Variants in NCOA7 observed in about 807,000 individuals in gnomAD.
The protein encoded by NCOA7 is 140 kDa estrogen receptor-associated protein.
NCOA7 carries 45 observed loss-of-function variants against 104.3 expected under a neutral mutation model. The ratio of observed to expected loss-of-function variants is 0.43; its 90% confidence interval spans 0.34 to 0.55. The LOEUF is 0.55. Ranked by LOEUF, NCOA7 falls within the 20% of genes least tolerant of loss-of-function variation. The probability of loss-of-function intolerance (pLI) is 0.02; values close to 1 mark genes in which losing one functional copy is unlikely to be tolerated. For synonymous variants in NCOA7, 398 were observed against 402.3 expected (o/e 0.99, Z 0.13); for missense variants, 1,041 against 1,119.7 (o/e 0.93, Z 1.00).
intron 10 of NCOA7, 82 bp from the exon 11 acceptor site, chr6:125,915,251 T>A: frequency 6.7e-7 from 1 of 1,500,364 alleles, no homozygotes; most frequent in Non-Finnish European, 9.1e-7. Flanking sequence ...AGGGAAAAGA[T>A]GGTTTATGTA....
chr6:125,907,389 C>T (rs1004823392), intron 10 of NCOA7, among the ~76,000 whole-genome samples: 4 of 151,922 alleles, frequency 2.6e-5, no homozygotes, highest in Non-Finnish European at 5.9e-5. Context: ...TTCAGGGCGG[C>T]TTCCCCTTCA....
chr6:125,882,225 TA>T (rs910217944), intron 6 of NCOA7, among the ~76,000 whole-genome samples, 200 bp from the exon 7 acceptor site: 4 of 151,106 alleles, frequency 2.6e-5, no homozygotes, highest in African/African-American at 9.8e-5. Context: ...TTGCTTTTTT[TA>T]AAAGAAAAAA....
chr6:125,922,201 T>C (rs1011950853), intron 12 of NCOA7, among the ~76,000 whole-genome samples: 1 of 152,208 alleles, frequency 6.6e-6, no homozygotes, highest in African/African-American at 2.4e-5. Context: ...AAGATATAGG[T>C]GCAATAAGAA....
At chr6:125,818,096 C>T (rs1162773665) in intron 2 of NCOA7, among the ~76,000 whole-genome samples, 1 of 151,504 alleles carries the variant, frequency 6.6e-6, no homozygotes, top group African/African-American at 2.4e-5. Flanking sequence ...CCACCTCCTC[C>T]TTCCTCCTCC....
chr6:125,853,604 A>T (rs190995320), intron 2 of NCOA7, among the ~76,000 whole-genome samples: 72 of 152,336 alleles, frequency 4.7e-4, no homozygotes, highest in Non-Finnish European at 8.8e-4. Context: ...TAGCCTAATT[A>T]AAATACCTTG....
chr6:125,899,034 T>A (rs915686273), intron 10 of NCOA7, among the ~76,000 whole-genome samples: 1 of 152,194 alleles, frequency 6.6e-6, no homozygotes, highest in South Asian at 2.1e-4. Context: ...ATATAGTATA[T>A]GTAAATTGCT....
intron 2 of NCOA7, among the ~76,000 whole-genome samples, chr6:125,850,274 T>C (rs959268671): frequency 2.0e-5 from 3 of 152,194 alleles, no homozygotes; most frequent in African/African-American, 2.4e-5. Context: ...TCTAGTTATA[T>C]TGATAATCTC....
chr6:125,892,917 C>T (rs1784733346), intron 10 of NCOA7, among the ~76,000 whole-genome samples: 1 of 152,134 alleles, frequency 6.6e-6, no homozygotes, highest in Non-Finnish European at 1.5e-5. Flanking sequence ...ATTACTGCTT[C>T]ATGTGTTTCC....
At chr6:125,872,230 T>G (rs1782987763) in intron 3 of NCOA7, among the ~76,000 whole-genome samples, 1 of 152,182 alleles carries the variant, frequency 6.6e-6, no homozygotes, top group East Asian at 1.9e-4. Flanking sequence ...CATAGTTAAG[T>G]TTATCCTGAA....
rs1317199928 is a variant in NCOA7, at chr6:125,931,280, C to T, written c.*2509C>T. 6.7e-6 allele frequency: 1 copy of T among 149,668 alleles called. No individual in the cohort carries two copies. Among genetic ancestry groups the T allele is most frequent in the Non-Finnish European group, 1.5e-5 (1 of 66,664 alleles). The allele number at this position is 149,668 out of a possible 1,614,324, so 9.3% of individuals were successfully genotyped here. A position where few individuals can be genotyped will look rare whatever the true frequency, so the allele number is the denominator to read the frequency against. Reference sequence around the variant, plus strand: ...CCTGTAGCCACCCTCCTAATTGTCTCATCAGTTCACGGAAACTGCTCTCAT... The same window carrying T: ...CCTGTAGCCACCCTCCTAATTGTCTTATCAGTTCACGGAAACTGCTCTCAT... On this transcript the variant is annotated 3_prime_UTR_variant, in exon 16 of 16. Transcript: ENST00000392477.
chr6:125,860,408 T>G (rs929661961), intron 3 of NCOA7, among the ~76,000 whole-genome samples: 2 of 152,214 alleles, frequency 1.3e-5, no homozygotes, highest in African/African-American at 4.8e-5. Context: ...AGCACAGTGG[T>G]GCAATCTCGA....
chr6:125,788,629 G>C (rs1323397163), upstream of NCOA7, among the ~76,000 whole-genome samples: 2 of 150,436 alleles, frequency 1.3e-5, no homozygotes, highest in Non-Finnish European at 2.9e-5. Flanking sequence ...TCTGCATCCC[G>C]GTTTCTAGTG....
chr6:125,876,881 G>A (rs1301340509), intron 4 of NCOA7, among the ~76,000 whole-genome samples: 1 of 151,996 alleles, frequency 6.6e-6, no homozygotes, highest in African/African-American at 2.4e-5. Flanking sequence ...CATCCCTCTC[G>A]GGGTCTGTGC....
chr6:125,910,392 G>A (rs1786420159), intron 10 of NCOA7, among the ~76,000 whole-genome samples: 1 of 152,172 alleles, frequency 6.6e-6, no homozygotes, highest in Non-Finnish European at 1.5e-5. Context: ...AAAAGTTATA[G>A]TGAAGCATAG....
intron 10 of NCOA7, among the ~76,000 whole-genome samples, chr6:125,904,320 C>T (rs1236721233): frequency 6.6e-6 from 1 of 152,138 alleles, no homozygotes; most frequent in South Asian, 2.1e-4. Flanking sequence ...ACTGTGCTAA[C>T]ATTTTTTTGT....
chr6:125,842,344 C>A (rs965338705), intron 2 of NCOA7, among the ~76,000 whole-genome samples: 2 of 152,084 alleles, frequency 1.3e-5, no homozygotes, highest in African/African-American at 4.8e-5. Flanking sequence ...AGATAGTATG[C>A]TTTGTGTTTG....
At chr6:125,920,056 T>A (rs1787436566) in intron 11 of NCOA7, among the ~76,000 whole-genome samples, 1 of 152,216 alleles carries the variant, frequency 6.6e-6, no homozygotes, top group Non-Finnish European at 1.5e-5. Context: ...TATCCATAAT[T>A]TAAGAAGGGC....
upstream of NCOA7, among the ~76,000 whole-genome samples, chr6:125,786,573 CTTT>C (rs148199881): frequency 0.37 from 44,143 of 120,116 alleles, 7,256 homozygotes; most frequent in East Asian, 0.62. Flanking sequence ...TAATCATTGT[CTTT>C]TTTTTTTTTT....
intron 12 of NCOA7, among the ~76,000 whole-genome samples, chr6:125,921,469 T>C (rs1787579774): frequency 6.6e-6 from 1 of 151,864 alleles, no homozygotes; most frequent in Admixed American, 6.6e-5. Flanking sequence ...GGCTGAAGGA[T>C]GAGGCTTGTG....
Sources: gnomAD v4.1 joint callset for allele counts (sites outside exome capture counted in the v4.1 genomes callset) on GRCh38, gnomAD v4.1.1 for gene constraint, MANE v1.5 for transcripts, NCBI Gene and HGNC (gene_info 2026-07-23, HGNC 2026-07-21) for gene names.